Variants in GRIK4 observed in about 807,000 individuals in gnomAD.
GRIK4 encodes the protein glutamate receptor ionotropic, kainate 4.
In GRIK4, 40 loss-of-function variants were observed where a neutral mutation model predicts 104.9. The ratio of observed to expected loss-of-function variants is 0.38; its 90% CI spans 0.30 to 0.50. The LOEUF (loss-of-function observed/expected upper bound fraction) is 0.50. Among genes scored for constraint, GRIK4 ranks in the 20% least tolerant of loss-of-function variants. The pLI, the probability that GRIK4 is intolerant of heterozygous loss-of-function variation, is 0.93. For missense variants in GRIK4, 1,047 were observed against 1,308.1 expected, an observed-to-expected ratio of 0.80 and a Z score of 3.08; for synonymous variants, 485 against 524.9, an observed-to-expected ratio of 0.92 and a Z score of 1.04.
intron 1 of GRIK4, among the ~76,000 whole-genome samples, chr11:120,586,334 A>G (rs895666413): frequency 6.6e-6 from 1 of 152,070 alleles, no homozygotes; most frequent in Non-Finnish European, 1.5e-5. Flanking sequence ...GAGGAAATTG[A>G]AAAGAGTTTA....
rs367914996 is a variant in GRIK4 at position 120,524,276 on chromosome 11, C to T, written c.-159+12389C>T. ...AGAACAGCACTGGGTGCTCAGTATG[C>T]GTTTAGTGGGTGAACGGCTGCTTTG... On this transcript the variant is annotated intron_variant, in intron 1 of 20. Transcript: ENST00000527524. The surrounding 1 kb of genome is among the most constrained non-coding windows in gnomAD (Gnocchi z 4.5). Among the ~76,000 whole-genome samples, 9 of 152,236 alleles carry T rather than the reference C, an allele frequency of 5.9e-5. No homozygotes were observed. In the South Asian group the frequency reaches 1.7e-3, roughly 28 times the overall value.
intron 8 of GRIK4, among the ~76,000 whole-genome samples, chr11:120,845,737 C>T (rs1358454016): frequency 1.3e-5 from 2 of 152,080 alleles, no homozygotes; most frequent in East Asian, 1.9e-4. Context: ...GCAATTGATT[C>T]CAAAGTGTAG....
chr11:120,969,869 A>G lies in GRIK4; in HGVS notation c.2395+2546A>G, dbSNP rs73582993. On this transcript the variant is annotated intron_variant, in intron 19 of 20. Transcript: ENST00000527524. ...GAAATGTCTAGGTATCTTTCTTCCT[A>G]GAAACGCTTGATCTCCCTCTCCCCT... Among the ~76,000 whole-genome samples, 1,285 of 152,250 alleles carry G rather than the reference A, an allele frequency of 8.4e-3. 18 individuals are homozygous for G. The highest frequency in any genetic ancestry group is 0.029 in the African/African-American group (1,187 of 41,542).
chr11:120,779,994 T>C (rs554501259), intron 3 of GRIK4, among the ~76,000 whole-genome samples: 41 of 152,332 alleles, frequency 2.7e-4, no homozygotes, highest in Admixed American at 1.9e-3. Context: ...AGCTCTCAAG[T>C]GCCAGACAAT....
intron 6 of GRIK4, among the ~76,000 whole-genome samples, chr11:120,820,572 C>T (rs1953092802): frequency 6.6e-6 from 1 of 152,152 alleles, no homozygotes; most frequent in Non-Finnish European, 1.5e-5. Context: ...CTGTGTGCTC[C>T]CGGCGGCAGC....
rs139553456 is a variant in GRIK4, at chr11:120,687,944, T to C, written c.82+27544T>C. Among the ~76,000 whole-genome samples, 47 of 152,320 alleles carry C rather than the reference T, an allele frequency of 3.1e-4. No individual in the cohort carries two copies. In the South Asian group the frequency reaches 7.3e-3, roughly 24 times the overall value. ...TTTTTGGCCTTCTCCTCCATTCAGC[T>C]TCAGAATTCTGTAAATGACTTAAGG... On this transcript the variant is annotated intron_variant, in intron 3 of 20. Transcript: ENST00000527524.
chr11:120,608,043 T>A (rs932885157), intron 1 of GRIK4, among the ~76,000 whole-genome samples: 3 of 152,164 alleles, frequency 2.0e-5, no homozygotes, highest in African/African-American at 7.2e-5. Context: ...TTGCAGGGAA[T>A]GTTTTCAGTC....
intron 17 of GRIK4, 93 bp downstream of exon 17, chr11:120,961,167 C>T: frequency 8.6e-7 from 1 of 1,157,510 alleles, no homozygotes; most frequent in Non-Finnish European, 1.3e-6. Flanking sequence ...CTCTCCGCAT[C>T]TCATTATCTC....
intron 1 of GRIK4, among the ~76,000 whole-genome samples, chr11:120,649,474 G>C (rs1279468762): frequency 6.6e-6 from 1 of 152,208 alleles, no homozygotes; most frequent in African/African-American, 2.4e-5. Flanking sequence ...CCCAGCAGCT[G>C]TCAGCCTCAG....
intron 1 of GRIK4, among the ~76,000 whole-genome samples, chr11:120,554,281 C>T (rs192181229): frequency 7.9e-5 from 12 of 152,316 alleles, no homozygotes; most frequent in Admixed American, 4.6e-4. Flanking sequence ...GTTCTAAAAC[C>T]GCTCTGGATA....
chr11:120,644,449 A>G (rs1949515936), intron 1 of GRIK4, among the ~76,000 whole-genome samples: 1 of 152,164 alleles, frequency 6.6e-6, no homozygotes, highest in Admixed American at 6.5e-5. Context: ...TACTATTATT[A>G]TTCCTGTTTT....
At chr11:120,760,916 C>T (rs1945147020) in intron 3 of GRIK4, among the ~76,000 whole-genome samples, 1 of 152,092 alleles carries the variant, frequency 6.6e-6, no homozygotes, top group Non-Finnish European at 1.5e-5. Flanking sequence ...CATATGTGTG[C>T]ACGTATCTTT....
At chr11:120,641,052 C>G (rs1949466461) in intron 1 of GRIK4, among the ~76,000 whole-genome samples, 1 of 152,230 alleles carries the variant, frequency 6.6e-6, no homozygotes, top group South Asian at 2.1e-4. Flanking sequence ...CAACTTTGTC[C>G]TTGGCTTGAC....
intron 1 of GRIK4, among the ~76,000 whole-genome samples, chr11:120,613,613 A>T (rs1338305563): frequency 6.6e-6 from 1 of 152,204 alleles, no homozygotes; most frequent in Non-Finnish European, 1.5e-5. Context: ...TGCAGACATG[A>T]TGTGCAGGGA....
intron 4 of GRIK4, 47 bp downstream of exon 4, chr11:120,802,904 G>A (rs377045341): frequency 8.5e-6 from 13 of 1,535,658 alleles, no homozygotes; most frequent in Non-Finnish European, 1.1e-5. Context: ...GGCAGAGGAT[G>A]GATGAGCAGT....
intron 1 of GRIK4, among the ~76,000 whole-genome samples, chr11:120,586,762 G>A (rs1948670612): frequency 6.6e-6 from 1 of 152,116 alleles, no homozygotes; most frequent in African/African-American, 2.4e-5. Flanking sequence ...TTGTCCCTAG[G>A]GATCCCTGAT....
At position 120,960,970 on chromosome 11, in the gene GRIK4, G is replaced by A. The variant is rs754126138; in HGVS notation, c.1936G>A (p.Val646Met). 1.4e-5 allele frequency: 23 copies of A among 1,613,826 alleles called. No homozygotes were observed. The highest frequency in any genetic ancestry group is 4.5e-5 in the East Asian group (2 of 44,888). ...YTANLAAFLTVQRMDVPIESV... is the reference protein window; with the variant it reads ...YTANLAAFLTMQRMDVPIESV... ...GGCCAACCTGGCAGCCTTCCTGACCGTGCAGCGCATGGATGTGCCCATTGA... is the reference window on the plus strand; with the variant it reads ...GGCCAACCTGGCAGCCTTCCTGACCATGCAGCGCATGGATGTGCCCATTGA... The change falls in exon 17 of 21, where the codon GTG (valine) becomes ATG (methionine). Residue 646 changes from valine to methionine, a missense_variant. Transcript: ENST00000527524.
chr11:120,776,403 C>T (rs562066883), intron 3 of GRIK4, among the ~76,000 whole-genome samples: 1 of 152,238 alleles, frequency 6.6e-6, no homozygotes, highest in African/African-American at 2.4e-5. Flanking sequence ...TGGAGTTCCC[C>T]CTCTTTTTTG....
At chr11:120,751,859 C>T (rs749227369) in intron 3 of GRIK4, among the ~76,000 whole-genome samples, 7 of 152,260 alleles carry the variant, frequency 4.6e-5, no homozygotes, top group Non-Finnish European at 8.8e-5. Context: ...AAGCTTCTCC[C>T]GGTGAAGGTT....
Sources: allele counts gnomAD v4.1 joint callset (sites outside exome capture counted in the v4.1 genomes callset), GRCh38; gene constraint gnomAD v4.1.1; non-coding constraint Gnocchi (gnomAD v3.1); transcripts MANE v1.5; gene names NCBI Gene and HGNC (gene_info 2026-07-23, HGNC 2026-07-21).